Variants in TGFB1I1 observed in about 807,000 individuals in gnomAD.
TGFB1I1 encodes the protein transforming growth factor beta-1-induced transcript 1 protein.
A neutral mutation model predicts 52.0 loss-of-function variants in TGFB1I1; 33 were observed. The observed-to-expected ratio is 0.63, with a 90% CI of 0.48 to 0.85. TGFB1I1 has a LOEUF of 0.85. Among genes scored for constraint, TGFB1I1 ranks in the 40% least tolerant of loss-of-function variants. The pLI, the probability that TGFB1I1 is intolerant of heterozygous loss-of-function variation, is 0.00. For missense variants in TGFB1I1, 577 were observed against 614.9 expected (o/e 0.94, Z 0.65); for synonymous variants, 236 against 253.3 (o/e 0.93, Z 0.65).
rs779946098 is a variant in TGFB1I1 at position 31,473,490 on chromosome 16, A to T, written c.63A>T (p.Ser21=). The T allele has an allele frequency of 2.5e-6, 4 of 1,613,910 alleles. No homozygotes were observed. In the Admixed American group the frequency reaches 6.7e-5, roughly 27 times the overall value. Residue 21 remains serine (S), a synonymous_variant, in exon 2 of 11, where the codon TCA becomes TCT. Coordinates refer to ENST00000394863, the MANE Select transcript of TGFB1I1 (RefSeq NM_001042454.3). The part of the protein sequence containing the change: ...LETTTSHMPR[S]GAPKERPAEP... ...CTACCACCTCGCACATGCCAAGGTC[A>T]GGGGCTCCCAAAGAGCGCCCTGCGG...
Position 31,472,180 on chromosome 16 carries a change from C to A in TGFB1I1, c.-9C>A. ...CTGTTCGCCCCGCGCCACCGGCCCG[C>A]GCCCCGCCATGGAGGACCTGGGTGA... On this transcript the variant is annotated 5_prime_UTR_variant, in exon 1 of 11. Coordinates refer to ENST00000394863, the MANE Select transcript of TGFB1I1 (RefSeq NM_001042454.3). 6.8e-7 allele frequency: 1 copy of A among 1,471,902 alleles called. No individual in the cohort carries two copies. The highest frequency in any genetic ancestry group is 9.0e-7 in the Non-Finnish European group (1 of 1,110,332). The allele number at this position is 1,471,902 out of a possible 1,614,324, so 91.2% of individuals were successfully genotyped here.
Position 31,473,926 on chromosome 16 carries a change from G to C in TGFB1I1, c.274G>C (p.Glu92Gln), listed in dbSNP as rs1315431992. The C allele has an allele frequency of 6.2e-7, 1 of 1,614,078 alleles. No homozygotes were observed. The highest frequency in any genetic ancestry group is 1.7e-5 in the Admixed American group (1 of 60,018). The stretch of plus-strand genomic sequence containing the variant: ...CGGTGTCTTGGGTACCGGGCTCTGT[G>C]AGCTAGATCGGTTGCTTCAGGAACT... ...SSGVLGTGLC[E>Q]LDRLLQELNA... The change falls in exon 4 of 11, where the codon GAG (glutamate) becomes CAG (glutamine). Residue 92 changes from glutamate (E) to glutamine (Q), a missense_variant. Glu to Gln is a conservative substitution (Grantham distance 29). Coordinates refer to ENST00000394863, the MANE Select transcript of TGFB1I1 (RefSeq NM_001042454.3).
Position 31,477,580 on chromosome 16 carries a change from CCCGCTCGGCTCGCCCTCT to C in TGFB1I1, c.*7_*24del, listed in dbSNP as rs747072995. On this transcript the variant is annotated 3_prime_UTR_variant, in exon 11 of 11. Coordinates refer to ENST00000394863, the MANE Select transcript of TGFB1I1 (RefSeq NM_001042454.3). The surrounding 1 kb of genome is among the most constrained non-coding windows in gnomAD (Gnocchi z 4.7). ...CTTCCTGAAGCTCTTCGGCTGACAG[CCCGCTCGGCTCGCCCTCT>C]CCCCCGGAGGCCGCGCCCTCCCGGA... The C allele has an allele frequency of 3.8e-6, 6 of 1,596,536 alleles. No individual in the cohort carries two copies. In the East Asian group the frequency reaches 1.4e-4, roughly 36 times the overall value.
Position 31,474,818 on chromosome 16 carries a change from G to C in TGFB1I1, c.714+61G>C. 2 of 1,503,188 alleles carry C rather than the reference G, an allele frequency of 1.3e-6. No individual in the cohort carries two copies. Among genetic ancestry groups the C allele is most frequent in the South Asian group, 1.2e-5 (1 of 83,614 alleles). 93.1% of individuals were successfully genotyped at this position (1,503,188 alleles called of 1,614,324 possible). A position where few individuals can be genotyped will look rare whatever the true frequency, so the allele number is the denominator to read the frequency against. On this transcript the variant is annotated intron_variant, in intron 7 of 10. Coordinates refer to ENST00000394863, the MANE Select transcript of TGFB1I1 (RefSeq NM_001042454.3). This position sits in a 1 kb window ranked among gnomAD's most constrained non-coding sequence, Gnocchi z 4.2. The stretch of plus-strand genomic sequence containing the variant: ...TGTCACAGACCCATCTTTAGTGAGA[G>C]CTGGGCTTTATGCTGTTCCCTTTTA...
rs1176789345 is a variant in TGFB1I1, at chr16:31,476,028, G to A, written c.731G>A (p.Gly244Asp). Residue 244 changes from glycine (G) to aspartate (D), a missense_variant, in exon 8 of 11, where the codon GGC (glycine) becomes GAC (aspartate). Around this residue, in one of 3 missense-constraint regions of TGFB1I1, gnomAD observed 456 missense variants for 461.6 expected, o/e 0.99. Coordinates refer to ENST00000394863, the MANE Select transcript of TGFB1I1 (RefSeq NM_001042454.3). The surrounding 1 kb of genome is among the most constrained non-coding windows in gnomAD (Gnocchi z 7.6). ...PIAGQVVTAL[G>D]RAWHPEHFVC... is the part of the protein sequence containing the mutation. ...CACTCGCAGGTGGTGACGGCTCTGG[G>A]CCGCGCCTGGCACCCCGAGCACTTC... is the stretch of plus-strand genomic sequence containing the variant. 6.2e-7 allele frequency: 1 copy of A among 1,612,614 alleles called. No homozygotes were observed. Among genetic ancestry groups the A allele is most frequent in the Admixed American group, 1.7e-5 (1 of 59,998 alleles).
Position 31,476,617 on chromosome 16 carries a change from C to T in TGFB1I1, c.970+55C>T, listed in dbSNP as rs1377170587. The T allele has an allele frequency of 6.4e-7, 1 of 1,561,606 alleles. No homozygotes were observed. Among genetic ancestry groups the T allele is most frequent in the Admixed American group, 1.9e-5 (1 of 53,894 alleles). ...AGCTGCGGGTCCCCTCGACGTCTCG[C>T]CCCAGCCCCTCCGACCTCCGGAGTC... On this transcript the variant is annotated intron_variant, in intron 9 of 10. Transcript: ENST00000394863. This position sits in a 1 kb window ranked among gnomAD's most constrained non-coding sequence, Gnocchi z 7.6.
At position 31,476,741 on chromosome 16, in the gene TGFB1I1, G is replaced by T; in HGVS notation, c.971-121G>T. ...CCCCGCTCTGTCCCGCCATAGACCCGGCTCCTCCTTCCCCAAGGCTCCCTC... is the reference window on the plus strand; with the variant it reads ...CCCCGCTCTGTCCCGCCATAGACCCTGCTCCTCCTTCCCCAAGGCTCCCTC... On this transcript the variant is annotated intron_variant, in intron 9 of 10. Coordinates refer to ENST00000394863, the MANE Select transcript of TGFB1I1 (RefSeq NM_001042454.3). This position sits in a 1 kb window ranked among gnomAD's most constrained non-coding sequence, Gnocchi z 7.6. 1 of 1,521,288 alleles carries T rather than the reference G, an allele frequency of 6.6e-7. No homozygotes were observed. The highest frequency in any genetic ancestry group is 8.9e-7 in the Non-Finnish European group (1 of 1,128,974). 94.2% of individuals were successfully genotyped at this position (1,521,288 alleles called of 1,614,324 possible). A position where few individuals can be genotyped will look rare whatever the true frequency, so the allele number is the denominator to read the frequency against.
chr16:31,476,402 C>A lies in TGFB1I1; in HGVS notation c.889-79C>A. On this transcript the variant is annotated intron_variant, in intron 8 of 10. Coordinates refer to ENST00000394863, the MANE Select transcript of TGFB1I1 (RefSeq NM_001042454.3). The surrounding 1 kb of genome is among the most constrained non-coding windows in gnomAD (Gnocchi z 7.6). ...CCCCTCCCCCCACGCATGCCTTAGT[C>A]CAGTCACCCGGGTTCCGCGCGGGAG... 7.0e-7 allele frequency: 1 copy of A among 1,438,522 alleles called. No homozygotes were observed. The highest frequency in any genetic ancestry group is 9.6e-7 in the Non-Finnish European group (1 of 1,044,520). 89.1% of individuals were successfully genotyped at this position (1,438,522 alleles called of 1,614,324 possible).
Position 31,474,968 on chromosome 16 carries a change from G to T in TGFB1I1, c.714+211G>T. On this transcript the variant is annotated intron_variant, in intron 7 of 10. Coordinates refer to ENST00000394863, the MANE Select transcript of TGFB1I1 (RefSeq NM_001042454.3). The surrounding 1 kb of genome is among the most constrained non-coding windows in gnomAD (Gnocchi z 4.2). ...TTCCAACCATGTTACCATTTATTGTGGTCCTACTGTGTGCCAGGCACTGTG... is the reference window on the plus strand; with the variant it reads ...TTCCAACCATGTTACCATTTATTGTTGTCCTACTGTGTGCCAGGCACTGTG... 1.7e-6 allele frequency: 1 copy of T among 587,732 alleles called. No individual in the cohort carries two copies. The highest frequency in any genetic ancestry group is 3.0e-6 in the Non-Finnish European group (1 of 332,940). 36.4% of individuals were successfully genotyped at this position (587,732 alleles called of 1,614,324 possible).
In TGFB1I1 at chr16:31,476,960, T is replaced by C. The variant is rs2082428669; in HGVS notation, c.1069T>C (p.Tyr357His). 2.5e-6 allele frequency: 4 copies of C among 1,601,322 alleles called. No individual in the cohort carries two copies. The highest frequency in any genetic ancestry group is 1.7e-5 in the Admixed American group (1 of 59,494). The change falls in exon 10 of 11, where the codon TAC (tyrosine) becomes CAC (histidine). Residue 357 changes from tyrosine (Y) to histidine (H), a missense_variant. Physicochemically the swap from Tyr to His is moderately conservative, Grantham distance 83. Around this residue, in one of 3 missense-constraint regions of TGFB1I1, gnomAD observed 456 missense variants for 461.6 expected, o/e 0.99. Transcript: ENST00000394863. The surrounding 1 kb of genome is among the most constrained non-coding windows in gnomAD (Gnocchi z 7.6). ...QGCQGPILDN[Y>H]ISALSALWHP... Reference sequence around the variant, plus strand: ...CTGCCAGGGCCCCATCCTGGATAACTACATCTCGGCGCTCAGCGCGCTCTG... The same window carrying C: ...CTGCCAGGGCCCCATCCTGGATAACCACATCTCGGCGCTCAGCGCGCTCTG...
In TGFB1I1 at chr16:31,473,443, G is replaced by A; in HGVS notation, c.16G>A (p.Ala6Thr). ...TCCCTGATGGCCTCTTCCTGCAGAT[G>A]CCCTGCTCTCTGACCTGGAGACTAC... MEDLD[A>T]LLSDLETTTS... Residue 6 changes from alanine to threonine, a missense_variant and splice_region_variant, in exon 2 of 11, where the codon GCC becomes ACC. Around this residue, in one of 3 missense-constraint regions of TGFB1I1, gnomAD observed 113 missense variants for 123.9 expected, o/e 0.91. Transcript: ENST00000394863. 6.2e-7 allele frequency: 1 copy of A among 1,613,062 alleles called. No homozygotes were observed. Among genetic ancestry groups the A allele is most frequent in the Non-Finnish European group, 8.5e-7 (1 of 1,179,534 alleles).
chr16:31,474,222 TAAGAA>T lies in TGFB1I1; in HGVS notation c.401_405del (p.Lys134ThrfsTer25), dbSNP rs2082408379. On this transcript the variant is annotated frameshift_variant, in exon 5 of 11. Transcript: ENST00000394863. LOFTEE classifies it high-confidence loss of function. This position sits in a 1 kb window ranked among gnomAD's most constrained non-coding sequence, Gnocchi z 4.2. ...AGCAGAAGGAGGACCAGTCTGAAGA[TAAGAA>T]AAGACCCAGCCTGTGAGTTTGGCGT... is the stretch of plus-strand genomic sequence containing the variant. 3 of 1,613,994 alleles carry T rather than the reference TAAGAA, an allele frequency of 1.9e-6. No homozygotes were observed. The highest frequency in any genetic ancestry group is 2.7e-5 in the African/African-American group (2 of 74,902).
Position 31,473,851 on chromosome 16 carries a change from C to G in TGFB1I1, c.199C>G (p.Arg67Gly). 1 of 1,614,152 alleles carries G rather than the reference C, an allele frequency of 6.2e-7. No individual in the cohort carries two copies. Among genetic ancestry groups the G allele is most frequent in the Non-Finnish European group, 8.5e-7 (1 of 1,180,026 alleles). ...GCTTCCCAGCACGGTATGCAAGCCTCGGTCCCCAAAGCCTGCAGCCCCGGC... is the reference window on the plus strand; with the variant it reads ...GCTTCCCAGCACGGTATGCAAGCCTGGGTCCCCAAAGCCTGCAGCCCCGGC... ...DHLYSTVCKP[R>G]SPKPAAPAAP... Residue 67 changes from arginine (R) to glycine (G), a missense_variant, in exon 4 of 11, where the codon CGG becomes GGG. Physicochemically the swap from Arg to Gly is moderately radical, Grantham distance 125 (BLOSUM62 -2). Around this residue, in one of 3 missense-constraint regions of TGFB1I1, gnomAD observed 113 missense variants for 123.9 expected, o/e 0.91. Coordinates refer to ENST00000394863, the MANE Select transcript of TGFB1I1 (RefSeq NM_001042454.3).
intron 1 of TGFB1I1, 46 bp from the exon 2 acceptor site, chr16:31,473,395 T>A: frequency 3.8e-6 from 6 of 1,586,228 alleles, no homozygotes; most frequent in Non-Finnish European, 5.2e-6. Context: ...TATCTTCTGA[T>A]CTAACCGTGA....
In TGFB1I1 at chr16:31,477,701, G is replaced by C; in HGVS notation, c.*125G>C. ...CCCACTGGAGAGCCCCGCCCCTAAG[G>C]TACTATGAGTCCTCAGGGGTCAAGT... On this transcript the variant is annotated 3_prime_UTR_variant, in exon 11 of 11. Transcript: ENST00000394863. The surrounding 1 kb of genome is among the most constrained non-coding windows in gnomAD (Gnocchi z 4.7). 2 of 1,285,494 alleles carry C rather than the reference G, an allele frequency of 1.6e-6. No homozygotes were observed. Among genetic ancestry groups the C allele is most frequent in the South Asian group, 3.1e-5 (2 of 64,178 alleles). The allele number at this position is 1,285,494 out of a possible 1,614,324, so 79.6% of individuals were successfully genotyped here.
Position 31,477,173 on chromosome 16 carries a change from G to T in TGFB1I1, c.1120-137G>T. The T allele has an allele frequency of 1.4e-6, 2 of 1,438,034 alleles. No homozygotes were observed. The highest frequency in any genetic ancestry group is 2.9e-5 in the South Asian group (2 of 69,902). 89.1% of individuals were successfully genotyped at this position (1,438,034 alleles called of 1,614,324 possible). On this transcript the variant is annotated intron_variant, in intron 10 of 10. Coordinates refer to ENST00000394863, the MANE Select transcript of TGFB1I1 (RefSeq NM_001042454.3). This position sits in a 1 kb window ranked among gnomAD's most constrained non-coding sequence, Gnocchi z 4.7. ...GAACCTCGGGTGGGGCGAGTTTTCC[G>T]GGCAGGGTCCCACCGGACGGGATTC...
At position 31,474,636 on chromosome 16, in the gene TGFB1I1, C is replaced by T. The variant is rs749864372; in HGVS notation, c.593C>T (p.Pro198Leu). ...GAGGGCTCCCCATCCCCACCAGAGC[C>T]GACTGGCAAGGGCAGCCTAGACACC... ...TNEGSPSPPE[P>L]TGKGSLDTML... Residue 198 changes from proline to leucine, a missense_variant, in exon 7 of 11, where the codon CCG becomes CTG. This residue lies in a region of TGFB1I1 where 456 missense variants were observed against 461.6 expected (regional missense o/e 0.99). Coordinates refer to ENST00000394863, the MANE Select transcript of TGFB1I1 (RefSeq NM_001042454.3). This position sits in a 1 kb window ranked among gnomAD's most constrained non-coding sequence, Gnocchi z 4.2. The T allele has an allele frequency of 1.2e-4, 200 of 1,612,592 alleles. 3 individuals are homozygous for T. The South Asian group carries it at 2.0e-3, about 16-fold the overall frequency.
rs778545055 is a variant in TGFB1I1, at chr16:31,474,513, T to C, written c.520-50T>C. On this transcript the variant is annotated intron_variant, in intron 6 of 10. Coordinates refer to ENST00000394863, the MANE Select transcript of TGFB1I1 (RefSeq NM_001042454.3). The surrounding 1 kb of genome is among the most constrained non-coding windows in gnomAD (Gnocchi z 4.2). ...GGCTCCCCAACCCCTTCTAGACAAT[T>C]CCACATCTGCTGCTTTGCTGACTCA... 2 of 1,612,958 alleles carry C rather than the reference T, an allele frequency of 1.2e-6. No individual in the cohort carries two copies. Among genetic ancestry groups the C allele is most frequent in the Non-Finnish European group, 1.7e-6 (2 of 1,179,304 alleles).
chr16:31,476,682 G>C lies in TGFB1I1; in HGVS notation c.970+120G>C. 7.0e-7 allele frequency: 1 copy of C among 1,426,366 alleles called. No homozygotes were observed. Among genetic ancestry groups the C allele is most frequent in the Non-Finnish European group, 9.6e-7 (1 of 1,045,780 alleles). 88.4% of individuals were successfully genotyped at this position (1,426,366 alleles called of 1,614,324 possible). A position where few individuals can be genotyped will look rare whatever the true frequency, so the allele number is the denominator to read the frequency against. Reference sequence around the variant, plus strand: ...TTTCCTTCTGCTCTCTTCTGGCCCTGCCCTCTCCTACACAGACTCCGGACC... The same window carrying C: ...TTTCCTTCTGCTCTCTTCTGGCCCTCCCCTCTCCTACACAGACTCCGGACC... On this transcript the variant is annotated intron_variant, in intron 9 of 10. Coordinates refer to ENST00000394863, the MANE Select transcript of TGFB1I1 (RefSeq NM_001042454.3). This position sits in a 1 kb window ranked among gnomAD's most constrained non-coding sequence, Gnocchi z 7.6.
Sources: gnomAD v4.1 joint callset for allele counts on GRCh38, gnomAD v4.1.1 for gene constraint, gnomAD v4.1.1 regional missense constraint, Gnocchi (gnomAD v3.1) non-coding constraint, MANE v1.5 for transcripts, NCBI Gene and HGNC (gene_info 2026-07-23, HGNC 2026-07-21) for gene names.